The following SLC7A3 variants were observed in gnomAD, a reference collection of about 807,000 sequenced individuals.
SLC7A3 encodes the protein cationic amino acid transporter 3.
Under a neutral mutation model 33.2 loss-of-function variants are expected in SLC7A3, and 3 were observed. The observed-to-expected ratio is 0.09, with a 90% CI of 0.04 to 0.23. SLC7A3 has a LOEUF of 0.23. Ranked by LOEUF, SLC7A3 falls within the 10% of genes least tolerant of loss-of-function variation. SLC7A3 has a pLI of 1.00. For missense variants in SLC7A3, 360 were observed against 488.8 expected, an observed-to-expected ratio of 0.74 and a Z score of 2.48; for synonymous variants, 193 against 195.1, an observed-to-expected ratio of 0.99 and a Z score of 0.09.
At position 70,928,465 on chromosome X, in the gene SLC7A3, T is replaced by C; in HGVS notation, c.698A>G (p.Asp233Gly). 8.3e-7 allele frequency: 1 copy of C among 1,202,342 alleles called. No individual in the cohort carries two copies. Among genetic ancestry groups the C allele is most frequent in the Non-Finnish European group, 1.1e-6 (1 of 890,616 alleles). Residue 233 changes from aspartate (D) to glycine (G), a missense_variant, in exon 4 of 12, where the codon GAC becomes GGC. Asp to Gly is a moderately conservative substitution (Grantham distance 94). Coordinates refer to ENST00000374299, the MANE Select transcript of SLC7A3 (RefSeq NM_032803.6). ...AGAGTGACCATCTAACCTATAGGTG[T>C]CATTGAGTTCAGCCATGGCCAATTC... ...DYELAMAELN[D>G]TYSLGPLGSG...
At chrX:70,930,088 A>G in intron 1 of SLC7A3, 66 bp from the exon 2 acceptor site, 2 of 1,049,227 alleles carry the variant, frequency 1.9e-6, no homozygotes, top group Non-Finnish European at 2.6e-6. Context: ...AAAGCGAATT[A>G]CAAGACCCCC....
intron 1 of SLC7A3, 115 bp from the exon 2 acceptor site, chrX:70,930,137 G>C: frequency 2.7e-6 from 2 of 732,567 alleles, no homozygotes; most frequent in Non-Finnish European, 3.9e-6. Context: ...TGAGGACGGG[G>C]ATATGGAAGG....
intron 11 of SLC7A3, 38 bp downstream of exon 11, chrX:70,926,032 A>T: frequency 8.3e-7 from 1 of 1,206,217 alleles, no homozygotes; most frequent in Non-Finnish European, 1.1e-6. Flanking sequence ...CTGGGCTAGG[A>T]CACCAAAGAA....
rs760668332 is a variant in SLC7A3 at position 70,928,179 on chromosome X, A to G, written c.786T>C (p.Tyr262=). The change falls in exon 5 of 12, where the codon TAT becomes TAC. Residue 262 remains tyrosine, a synonymous_variant. Transcript: ENST00000374299. The part of the protein sequence containing the change: ...GILRGAATCF[Y]AFVGFDCIAT... ...CAATACAGTCGAAACCAACAAATGC[A>G]TAGAAACAGGTCGCTGCTCCACGGA... 1 of 1,211,599 alleles carries G rather than the reference A, an allele frequency of 8.3e-7. No homozygotes were observed. The highest frequency in any genetic ancestry group is 2.2e-5 in the Admixed American group (1 of 46,040).
rs749236390 is a variant in SLC7A3, at chrX:70,929,008, G to A, written c.371-6C>T. On this transcript the variant is annotated splice_region_variant and splice_polypyrimidine_tract_variant and intron_variant, in intron 2 of 11. Coordinates refer to ENST00000374299, the MANE Select transcript of SLC7A3 (RefSeq NM_032803.6). ...CCGGGCCACACTGGCTGTACCTGGT[G>A]TAGCAGAGAGAGAAACATGTGGCCA... 41 of 1,208,456 alleles carry A rather than the reference G, an allele frequency of 3.4e-5. No homozygotes were observed. Among genetic ancestry groups the A allele is most frequent in the Non-Finnish European group, 4.5e-5 (40 of 893,892 alleles).
rs776093743 is a variant in SLC7A3, at chrX:70,929,833, G to A, written c.165C>T (p.Gly55=). ...GCCCTGCTTTATCTTTGGCCACCTC[G>A]CCAGCTAGGACATACACGCCTGCAC... is the stretch of plus-strand genomic sequence containing the variant. The part of the protein sequence containing the change: ...TLGAGVYVLA[G]EVAKDKAGPS... The change falls in exon 2 of 12, where the codon GGC becomes GGT. Residue 55 remains glycine (G), a synonymous_variant. Transcript: ENST00000374299. 9.1e-6 allele frequency: 11 copies of A among 1,210,652 alleles called. No homozygotes were observed. The highest frequency in any genetic ancestry group is 1.2e-5 in the Non-Finnish European group (11 of 894,911).
chrX:70,930,134 G>C (rs755251640), intron 1 of SLC7A3, 112 bp from the exon 2 acceptor site: 1 of 776,676 alleles, frequency 1.3e-6, no homozygotes, highest in Non-Finnish European at 1.8e-6. Context: ...AAATGAGGAC[G>C]GGGATATGGA....
rs760228491 is a variant in SLC7A3 at position 70,930,003 on chromosome X, C to A, written c.-6G>T. The A allele has an allele frequency of 1.7e-6, 2 of 1,192,466 alleles. No individual in the cohort carries two copies. The highest frequency in any genetic ancestry group is 2.3e-6 in the Non-Finnish European group (2 of 883,516). ...CGAAATGCTTGCCACGGCATCCTAGCAGGAATTGAAGAAGATGATCTGGTG... is the reference window on the plus strand; with the variant it reads ...CGAAATGCTTGCCACGGCATCCTAGAAGGAATTGAAGAAGATGATCTGGTG... On this transcript the variant is annotated 5_prime_UTR_variant, in exon 2 of 12. Coordinates refer to ENST00000374299, the MANE Select transcript of SLC7A3 (RefSeq NM_032803.6).
rs764727667 is a variant in SLC7A3, at chrX:70,927,303, G to A, written c.1265C>T (p.Ser422Leu). The change falls in exon 8 of 12, where the codon TCG (serine) becomes TTG (leucine). Residue 422 changes from serine (S) to leucine (L), a missense_variant. By Grantham distance (145) the Ser-to-Leu change is moderately radical. Coordinates refer to ENST00000374299, the MANE Select transcript of SLC7A3 (RefSeq NM_032803.6). ...IGTLLAYSLV[S>L]ICVLILRYQP... ...TCACCTGAGGATGAGAACACAAATC[G>A]ACACCAGGGAGTAAGCAAGCAGGGT... The A allele has an allele frequency of 8.3e-7, 1 of 1,210,258 alleles. No individual in the cohort carries two copies. The highest frequency in any genetic ancestry group is 1.8e-5 in the South Asian group (1 of 56,589).
chrX:70,925,875 G>A lies in SLC7A3; in HGVS notation c.1798C>T (p.Arg600Cys), dbSNP rs138954830. Residue 600 changes from arginine to cysteine, a missense_variant, in exon 12 of 12, where the codon CGC becomes TGC. By Grantham distance (180) the Arg-to-Cys change is radical. Coordinates refer to ENST00000374299, the MANE Select transcript of SLC7A3 (RefSeq NM_032803.6). ...LEEIKSNQPSRKSRAKTVDLD... is the reference protein window; with the variant it reads ...LEEIKSNQPSCKSRAKTVDLD... Reference sequence around the variant, plus strand: ...TCTACAGTTTTGGCTCTAGACTTGCGTGAGGGTTGGTTACTCTTAATCTCT... The same window carrying A: ...TCTACAGTTTTGGCTCTAGACTTGCATGAGGGTTGGTTACTCTTAATCTCT... 5.8e-4 allele frequency: 697 copies of A among 1,209,290 alleles called. No homozygotes were observed. Among genetic ancestry groups the A allele is most frequent in the Non-Finnish European group, 7.3e-4 (650 of 894,967 alleles).
At position 70,926,958 on chromosome X, in the gene SLC7A3, G is replaced by A; in HGVS notation, c.1370C>T (p.Thr457Ile). The change falls in exon 9 of 12, where the codon ACC becomes ATC. Residue 457 changes from threonine (T) to isoleucine (I), a missense_variant. Transcript: ENST00000374299. ...GAGTGGGAAAAATAGTCCCCATAGG[G>A]TCAACTTCTCTGATTCAGTAGTTAT... ...EAITTESEKLTLWGLFFPLNS... is the reference protein window; with the variant it reads ...EAITTESEKLILWGLFFPLNS... 1 of 1,211,163 alleles carries A rather than the reference G, an allele frequency of 8.3e-7. No homozygotes were observed. The highest frequency in any genetic ancestry group is 1.7e-5 in the African/African-American group (1 of 57,737).
At position 70,927,948 on chromosome X, in the gene SLC7A3, G is replaced by A. The variant is rs1459882610; in HGVS notation, c.893C>T (p.Ala298Val). 9 of 1,209,711 alleles carry A rather than the reference G, an allele frequency of 7.4e-6. No homozygotes were observed. Among genetic ancestry groups the A allele is most frequent in the Non-Finnish European group, 1.0e-5 (9 of 895,134 alleles). ...GAGTGCAGAAGAGACAGCAAAATAC[G>A]CCAAAAAGCAGACAGACAGTGAGAT... ...IVISLSVCFL[A>V]YFAVSSALTL... The change falls in exon 6 of 12, where the codon GCG becomes GTG. Residue 298 changes from alanine (A) to valine (V), a missense_variant. Transcript: ENST00000374299.
Position 70,926,864 on chromosome X carries a change from C to T in SLC7A3, c.1453+11G>A. 8.3e-7 allele frequency: 1 copy of T among 1,202,493 alleles called. No homozygotes were observed. Among genetic ancestry groups the T allele is most frequent in the African/African-American group, 1.7e-5 (1 of 57,591 alleles). ...ATCTCAGAGCCACCCCAGAAAAATT[C>T]CACTGCTCACCAAGCAATGAGGAAC... On this transcript the variant is annotated intron_variant, in intron 9 of 11. Transcript: ENST00000374299.
chrX:70,929,169 C>A (rs1380345050), intron 2 of SLC7A3, among the ~76,000 whole-genome samples, 167 bp from the exon 3 acceptor site: 1 of 112,210 alleles, frequency 8.9e-6, no homozygotes, highest in Non-Finnish European at 1.9e-5. Context: ...CCTCTCCCTG[C>A]AACCTCTGCC....
rs140628718 is a variant in SLC7A3 at position 70,928,221 on chromosome X, G to A, written c.744C>T (p.Phe248=). ...CTCCACGGAGAATTCCCTCGAAGCC[G>A]AAAGGCACAAATCCTCCAGAGCCCA... ...GPLGSGGFVP[F]GFEGILRGAA... The change falls in exon 5 of 12, where the codon TTC becomes TTT. Residue 248 remains phenylalanine, a synonymous_variant. Transcript: ENST00000374299. 16,926 of 1,209,674 alleles carry A rather than the reference G, an allele frequency of 0.014. 112 individuals are homozygous for A. Among genetic ancestry groups the A allele is most frequent in the Non-Finnish European group, 0.017 (15,394 of 894,900 alleles).
chrX:70,928,974 G>C lies in SLC7A3; in HGVS notation c.399C>G (p.Ser133Arg), dbSNP rs1481571807. The C allele has an allele frequency of 1.3e-5, 16 of 1,210,143 alleles. No individual in the cohort carries two copies. The highest frequency in any genetic ancestry group is 1.8e-5 in the Non-Finnish European group (16 of 895,159). The change falls in exon 3 of 12, where the codon AGC (serine) becomes AGG (arginine). Residue 133 changes from serine (S) to arginine (R), a missense_variant. Coordinates refer to ENST00000374299, the MANE Select transcript of SLC7A3 (RefSeq NM_032803.6). ...IGTASVARAW[S>R]SAFDNLIGNH... ...TCCCAATCAGGTTGTCAAAAGCAGA[G>C]CTCCAGGCCCGGGCCACACTGGCTG...
chrX:70,926,517 G>A lies in SLC7A3; in HGVS notation c.1620+10C>T. 1 of 1,191,911 alleles carries A rather than the reference G, an allele frequency of 8.4e-7. No homozygotes were observed. On this transcript the variant is annotated intron_variant, in intron 10 of 11. Coordinates refer to ENST00000374299, the MANE Select transcript of SLC7A3 (RefSeq NM_032803.6). ...TGGGCTGGCAAGGAAAAAAGACAGA[G>A]TTCATTTACCTTAAAGTGAAGGGGA...
rs1052863167 is a variant in SLC7A3, at chrX:70,926,906, G to A, written c.1422C>T (p.Gly474=). 1 of 1,210,073 alleles carries A rather than the reference G, an allele frequency of 8.3e-7. No individual in the cohort carries two copies. The highest frequency in any genetic ancestry group is 1.7e-5 in the African/African-American group (1 of 57,595). ...ATGAGGAACAAACATAGACAATTTG[G>A]CCAGAGAGTGGAGTGGGGATGGAGT... ...PLNSIPTPLS[G]QIVYVCSSLL... The change falls in exon 9 of 12, where the codon GGC becomes GGT. Residue 474 remains glycine, a synonymous_variant. Transcript: ENST00000374299.
At chrX:70,927,711 C>T (rs2091900161) in intron 6 of SLC7A3, 87 bp downstream of exon 6, 1 of 1,156,656 alleles carries the variant, frequency 8.6e-7, no homozygotes, top group Non-Finnish European at 1.2e-6. Flanking sequence ...ACTTTCCCCT[C>T]ACAGCCCTTT....
Sources: allele counts gnomAD v4.1 joint callset (sites outside exome capture counted in the v4.1 genomes callset), GRCh38; gene constraint gnomAD v4.1.1; transcripts MANE v1.5; gene names NCBI Gene and HGNC (gene_info 2026-07-23, HGNC 2026-07-21).